BACH1: variants seen among roughly 807,000 people sequenced by gnomAD.
BACH1 encodes BTB domain and CNC homolog 1.
A neutral mutation model predicts 52.9 loss-of-function variants in BACH1; 35 were observed. The ratio of observed to expected loss-of-function variants is 0.66; its 90% confidence interval spans 0.51 to 0.88. The LOEUF (loss-of-function observed/expected upper bound fraction) is 0.88, where lower values mean the gene tolerates loss of function less well. BACH1 is among the 40% of genes least tolerant of loss of function. The probability of loss-of-function intolerance (pLI) is 0.00; values close to 1 mark genes in which losing one functional copy is unlikely to be tolerated. For synonymous variants in BACH1, 321 were observed against 319.6 expected, an observed-to-expected ratio of 1.00 and a Z score of -0.05; for missense variants, 808 against 872.6, an observed-to-expected ratio of 0.93 and a Z score of 0.93.
chr21:29,335,275 G>A lies in BACH1; in HGVS notation c.1776+5582G>A, dbSNP rs771764314. ...GTGGGATAAGAGTAACAGCCACAGCGGGGTTGATGCAAGGATCTGATGAGA... is the reference window on the plus strand; with the variant it reads ...GTGGGATAAGAGTAACAGCCACAGCAGGGTTGATGCAAGGATCTGATGAGA... On this transcript the variant is annotated intron_variant, in intron 4 of 4. Transcript: ENST00000286800. Among the ~76,000 whole-genome samples the A allele has an allele frequency of 1.4e-4, 21 of 152,150 alleles. 1 individual carries two copies. The highest frequency in any genetic ancestry group is 2.4e-4 in the Non-Finnish European group (16 of 68,032).
At chr21:29,332,621 A>T (rs1477242159) in intron 4 of BACH1, among the ~76,000 whole-genome samples, 1 of 152,200 alleles carries the variant, frequency 6.6e-6, no homozygotes, top group African/African-American at 2.4e-5. Flanking sequence ...GAACCCAGGG[A>T]CTTCTCTGTG....
At chr21:29,336,901 A>T (rs1236455319) in intron 4 of BACH1, among the ~76,000 whole-genome samples, 5 of 152,026 alleles carry the variant, frequency 3.3e-5, no homozygotes, top group Non-Finnish European at 7.4e-5. Flanking sequence ...CGAACACCTG[A>T]CTTCAAGTGA....
chr21:29,311,660 G>A (rs1467663339), intron 1 of BACH1, among the ~76,000 whole-genome samples: 2 of 152,086 alleles, frequency 1.3e-5, no homozygotes, highest in Non-Finnish European at 2.9e-5. Flanking sequence ...ACATGTATTT[G>A]TAATCTTATT....
chr21:29,321,878 C>T (rs982100758), intron 2 of BACH1, among the ~76,000 whole-genome samples: 3 of 151,856 alleles, frequency 2.0e-5, no homozygotes, highest in Non-Finnish European at 4.4e-5. Context: ...GCAATTGTAG[C>T]TATGTGTGTT....
At chr21:29,302,068 A>G (rs1354430888) in intron 1 of BACH1, among the ~76,000 whole-genome samples, 1 of 152,096 alleles carries the variant, frequency 6.6e-6, no homozygotes, top group Non-Finnish European at 1.5e-5. Context: ...TCTCTCCATG[A>G]CTTACGTTTT....
At chr21:29,327,729 G>A (rs930073804) in intron 3 of BACH1, among the ~76,000 whole-genome samples, 6 of 152,192 alleles carry the variant, frequency 3.9e-5, no homozygotes, top group Admixed American at 3.3e-4. Context: ...GCTGAGGCAG[G>A]AGAAGCGCTT....
intron 1 of BACH1, among the ~76,000 whole-genome samples, chr21:29,311,260 A>G (rs1202489921): frequency 6.6e-6 from 1 of 152,130 alleles, no homozygotes; most frequent in Admixed American, 6.6e-5. Flanking sequence ...AATATTCTCT[A>G]TCAAATGCCT....
intron 4 of BACH1, among the ~76,000 whole-genome samples, chr21:29,338,981 C>G (rs1023284391): frequency 6.6e-6 from 1 of 151,956 alleles, no homozygotes; most frequent in African/African-American, 2.4e-5. Context: ...TTTCTTAGTT[C>G]AGAGAGGTTG....
In BACH1 at chr21:29,331,722, G is replaced by A. The variant is rs191575392; in HGVS notation, c.1776+2029G>A. On this transcript the variant is annotated intron_variant, in intron 4 of 4. Transcript: ENST00000286800. ...TTCTCTGTGACTTGGGGTTTTCATC[G>A]GAAAAATAGGATAATACTAGTTCCT... Among the ~76,000 whole-genome samples the A allele has an allele frequency of 3.3e-5, 5 of 152,060 alleles. No homozygotes were observed. In the East Asian group the frequency reaches 5.8e-4, roughly 18 times the overall value.
rs1434877838 is a variant in BACH1, at chr21:29,342,848, C to T, written c.*15C>T. On this transcript the variant is annotated 3_prime_UTR_variant, in exon 5 of 5. Coordinates refer to ENST00000286800, the MANE Select transcript of BACH1 (RefSeq NM_001186.4). ...CTGATGAGTAAACTTGCATTCACTTCCTTCAAACCATCTAATTTTCTCCTG... is the reference window on the plus strand; with the variant it reads ...CTGATGAGTAAACTTGCATTCACTTTCTTCAAACCATCTAATTTTCTCCTG... 6.4e-7 allele frequency: 1 copy of T among 1,553,792 alleles called. No homozygotes were observed. The highest frequency in any genetic ancestry group is 2.3e-5 in the East Asian group (1 of 44,052).
chr21:29,318,988 T>A (rs536296934), intron 1 of BACH1, among the ~76,000 whole-genome samples: 1 of 152,298 alleles, frequency 6.6e-6, no homozygotes, highest in East Asian at 1.9e-4. Context: ...TTAAAAAAAA[T>A]GTCTGGTGGC....
At position 29,343,074 on chromosome 21, in the gene BACH1, T is replaced by G. The variant is rs1294840883; in HGVS notation, c.*241T>G. The G allele has an allele frequency of 1.1e-5, 4 of 363,614 alleles. No homozygotes were observed. Among genetic ancestry groups the G allele is most frequent in the Non-Finnish European group, 2.0e-5 (4 of 201,708 alleles). 22.5% of individuals were successfully genotyped at this position (363,614 alleles called of 1,614,324 possible). A position where few individuals can be genotyped will look rare whatever the true frequency, so the allele number is the denominator to read the frequency against. ...TGAAAATGTAGTAAACCTTTAAAAC[T>G]CATGTTTTAAAGAATAATAACTCTA... On this transcript the variant is annotated 3_prime_UTR_variant, in exon 5 of 5. Transcript: ENST00000286800.
intron 3 of BACH1, among the ~76,000 whole-genome samples, chr21:29,328,408 T>A (rs1273797465): frequency 6.6e-6 from 1 of 152,046 alleles, no homozygotes; most frequent in African/African-American, 2.4e-5. Flanking sequence ...TTTTCTTTTT[T>A]TTGTTTTTAT....
At chr21:29,305,154 A>C (rs1569005905) in intron 1 of BACH1, 1 of 151,902 alleles carries the variant, frequency 6.6e-6, no homozygotes, top group Non-Finnish European at 1.5e-5. Context: ...AAGAAAAAAA[A>C]AAGCTTTTGG....
At chr21:29,330,835 A>G (rs2088972576) in intron 4 of BACH1, among the ~76,000 whole-genome samples, 1 of 151,928 alleles carries the variant, frequency 6.6e-6, no homozygotes, top group African/African-American at 2.4e-5. Context: ...TATTATTTAT[A>G]TATTGTACAT....
At chr21:29,319,593 C>G (rs578114832) in intron 1 of BACH1, among the ~76,000 whole-genome samples, 1 of 151,074 alleles carries the variant, frequency 6.6e-6, no homozygotes, top group African/African-American at 2.4e-5. Context: ...TATAATGACA[C>G]CAGTCTGTGT....
intron 3 of BACH1, among the ~76,000 whole-genome samples, chr21:29,327,795 T>A (rs2088932170): frequency 6.6e-6 from 1 of 152,214 alleles, no homozygotes; most frequent in Non-Finnish European, 1.5e-5. Flanking sequence ...CACTCCAGCC[T>A]AGGAGACAGA....
intron 3 of BACH1, among the ~76,000 whole-genome samples, chr21:29,328,867 C>G (rs1750634511): frequency 6.6e-6 from 1 of 152,218 alleles, no homozygotes; most frequent in Non-Finnish European, 1.5e-5. Context: ...ATATTGTAGG[C>G]AAATGGCAGG....
Position 29,301,681 on chromosome 21 carries a change from G to A in BACH1, c.-61+2728G>A, listed in dbSNP as rs79104166. ...TCTGAAGTGCAGTGATGTGTAAAAG[G>A]GTGCAGTGGAAATACTTGAAGATAA... On this transcript the variant is annotated intron_variant, in intron 1 of 4. Transcript: ENST00000286800. Among the ~76,000 whole-genome samples the A allele has an allele frequency of 9.6e-3, 1,460 of 151,370 alleles. 27 individuals carry two copies. Among genetic ancestry groups the A allele is most frequent in the African/African-American group, 0.033 (1,360 of 41,184 alleles).
Sources: gnomAD v4.1 joint callset for allele counts (sites outside exome capture counted in the v4.1 genomes callset) on GRCh38, gnomAD v4.1.1 for gene constraint, MANE v1.5 for transcripts, NCBI Gene and HGNC (gene_info 2026-07-23, HGNC 2026-07-21) for gene names.